Variants in SNX29 observed in about 807,000 individuals in gnomAD.
SNX29 encodes the protein sorting nexin 29.
A neutral mutation model predicts 102.1 loss-of-function variants in SNX29; 78 were observed. The observed-to-expected ratio is 0.76, with a 90% confidence interval of 0.64 to 0.92. The LOEUF is 0.92. Among genes scored for constraint, SNX29 ranks in the 40% least tolerant of loss-of-function variants. SNX29 has a pLI of 0.00. For synonymous variants in SNX29, 580 were observed against 414.5 expected (o/e 1.40, Z -4.85); for missense variants, 1,280 against 1,061.7 (o/e 1.21, Z -2.86).
At chr16:12,133,222 C>G (rs557358146) in intron 13 of SNX29, among the ~76,000 whole-genome samples, 1 of 147,586 alleles carries the variant, frequency 6.8e-6, no homozygotes, top group African/African-American at 2.5e-5. Context: ...CTCCTGCTTA[C>G]TAGTTGTGTG....
At chr16:12,058,488 G>GGTT (rs2050613497) in intron 8 of SNX29, among the ~76,000 whole-genome samples, 1 of 26,172 alleles carries the variant, frequency 3.8e-5, no homozygotes, top group African/African-American at 2.5e-4. Context: ...TTTTTTTTTG[G>GGTT]TTTTTGGTTT....
At chr16:12,527,699 AC>A (rs764986490) in intron 20 of SNX29, among the ~76,000 whole-genome samples, 66 of 152,064 alleles carry the variant, frequency 4.3e-4, no homozygotes, top group Non-Finnish European at 7.9e-4. Flanking sequence ...GGTGTTTGGC[AC>A]CATAGCCCGT....
chr16:12,286,477 C>G (rs2079601898), intron 15 of SNX29, among the ~76,000 whole-genome samples: 1 of 151,490 alleles, frequency 6.6e-6, no homozygotes, highest in Non-Finnish European at 1.5e-5. Context: ...TCCCAAGTAG[C>G]TGGGACTACA....
chr16:12,306,092 C>T (rs1004233683), intron 15 of SNX29, among the ~76,000 whole-genome samples: 2 of 151,984 alleles, frequency 1.3e-5, no homozygotes, highest in South Asian at 4.2e-4. Flanking sequence ...CATTCATCCT[C>T]ATGATCATAT....
intron 20 of SNX29, among the ~76,000 whole-genome samples, chr16:12,556,075 A>G (rs544536479): frequency 6.6e-6 from 1 of 151,992 alleles, no homozygotes; most frequent in Admixed American, 6.6e-5. Flanking sequence ...TATTAATCTT[A>G]TAGAATTAAT....
At position 12,363,449 on chromosome 16, in the gene SNX29, T is replaced by C. The variant is rs545438683; in HGVS notation, c.1899+7170T>C. On this transcript the variant is annotated intron_variant, in intron 16 of 20. Transcript: ENST00000566228. ...TTCGAGTGACTCAGGGTCAGGACTG[T>C]CTACTTTAGGTGGAAACCCAAATCT... Among the ~76,000 whole-genome samples, 8 of 152,278 alleles carry C rather than the reference T, an allele frequency of 5.3e-5. No homozygotes were observed. The East Asian group carries it at 1.5e-3, about 29-fold the overall frequency.
chr16:12,150,381 G>C (rs891992934), intron 13 of SNX29, among the ~76,000 whole-genome samples: 2 of 152,182 alleles, frequency 1.3e-5, no homozygotes, highest in African/African-American at 4.8e-5. Context: ...CTTCCCGGTA[G>C]ACTTTGCTAC....
At chr16:12,147,873 CCAAG>C (rs1177067543) in intron 13 of SNX29, among the ~76,000 whole-genome samples, 4 of 152,292 alleles carry the variant, frequency 2.6e-5, no homozygotes, top group African/African-American at 7.2e-5. Flanking sequence ...GACATCACTG[CCAAG>C]CAACTTCTTT....
intron 20 of SNX29, among the ~76,000 whole-genome samples, chr16:12,559,741 GA>G (rs2078607124): frequency 6.6e-6 from 1 of 152,062 alleles, no homozygotes; most frequent in Non-Finnish European, 1.5e-5. Flanking sequence ...ATGAAATAGT[GA>G]TGCCCAGCCT....
At chr16:12,050,124 T>C (rs552299845) in intron 7 of SNX29, among the ~76,000 whole-genome samples, 1 of 152,312 alleles carries the variant, frequency 6.6e-6, no homozygotes, top group African/African-American at 2.4e-5. Flanking sequence ...GTTGACAGCT[T>C]TGTGTAACAG....
chr16:12,113,286 G>A (rs1191511675), intron 11 of SNX29, among the ~76,000 whole-genome samples: 1 of 152,146 alleles, frequency 6.6e-6, no homozygotes, highest in East Asian at 1.9e-4. Flanking sequence ...TCAGAGGTGG[G>A]GAAACTGAGC....
intron 20 of SNX29, among the ~76,000 whole-genome samples, chr16:12,561,625 AGGCTT>A: frequency 6.6e-6 from 1 of 152,284 alleles, no homozygotes; most frequent in South Asian, 2.1e-4. Context: ...GTACCCCAAG[AGGCTT>A]ATTAAAAAGA....
chr16:12,549,655 G>A (rs1194154195), intron 20 of SNX29, among the ~76,000 whole-genome samples: 1 of 152,228 alleles, frequency 6.6e-6, no homozygotes, highest in Non-Finnish European at 1.5e-5. Flanking sequence ...GCCGAAACCA[G>A]CTTGAGGCAG....
Position 12,571,943 on chromosome 16 carries a change from G to C in SNX29, c.*3314G>C. 1 of 1,062,030 alleles carries C rather than the reference G, an allele frequency of 9.4e-7. No individual in the cohort carries two copies. Among genetic ancestry groups the C allele is most frequent in the Non-Finnish European group, 1.1e-6 (1 of 877,196 alleles). 65.8% of individuals were successfully genotyped at this position (1,062,030 alleles called of 1,614,324 possible). ...GCCCTGGTGAAGGAAGACACTTTCA[G>C]GGAAGAGGCTCTTACAGTCTATGGT... On this transcript the variant is annotated 3_prime_UTR_variant, in exon 21 of 21. Transcript: ENST00000566228.
At chr16:12,000,029 G>C (rs2056230007) in intron 2 of SNX29, among the ~76,000 whole-genome samples, 1 of 151,716 alleles carries the variant, frequency 6.6e-6, no homozygotes. Flanking sequence ...TCGAGCACAA[G>C]AAGGCTAGGA....
At chr16:12,459,826 C>T (rs756875489) in intron 18 of SNX29, among the ~76,000 whole-genome samples, 9 of 152,168 alleles carry the variant, frequency 5.9e-5, no homozygotes, top group Non-Finnish European at 1.2e-4. Context: ...TACCCTTGTA[C>T]CCGTCCAGTA....
In SNX29 at chr16:12,003,049, T is replaced by TA. The variant is rs1323802161; in HGVS notation, c.122+7dup. The TA allele has an allele frequency of 1.9e-6, 3 of 1,614,008 alleles. No homozygotes were observed. The African/African-American group carries it at 4.0e-5, about 22-fold the overall frequency. On this transcript the variant is annotated splice_region_variant and intron_variant, in intron 3 of 20. Coordinates refer to ENST00000566228, the MANE Select transcript of SNX29 (RefSeq NM_032167.5). ...GCCTCGGATTCCGACAGCAGGTAAA[T>TA]ATGTCACTTCTAAAACCGTTGACCA...
chr16:12,424,448 A>G (rs991788178), intron 18 of SNX29, among the ~76,000 whole-genome samples: 2 of 152,214 alleles, frequency 1.3e-5, no homozygotes, highest in African/African-American at 4.8e-5. Flanking sequence ...AGATGATAAT[A>G]TTCTGTCTTA....
intron 18 of SNX29, among the ~76,000 whole-genome samples, chr16:12,429,322 C>T (rs2085217760): frequency 6.6e-6 from 1 of 152,256 alleles, no homozygotes; most frequent in Non-Finnish European, 1.5e-5. Context: ...TTAATCCCAA[C>T]ACATAGATAC....
Sources: gnomAD v4.1 joint callset for allele counts (sites outside exome capture counted in the v4.1 genomes callset) on GRCh38, gnomAD v4.1.1 for gene constraint, MANE v1.5 for transcripts, NCBI Gene and HGNC (gene_info 2026-07-23, HGNC 2026-07-21) for gene names.